Variants in PCLO observed in about 807,000 individuals in gnomAD.
The protein encoded by PCLO is protein piccolo.
Under a neutral mutation model 427.5 loss-of-function variants are expected in PCLO, and 82 were observed. That is an observed-to-expected ratio of 0.19 (90% CI 0.16 to 0.23). The LOEUF is 0.23. Among genes scored for constraint, PCLO ranks in the 10% least tolerant of loss-of-function variants. PCLO has a pLI of 1.00. For missense variants in PCLO, 6,239 were observed against 6,115.9 expected, an observed-to-expected ratio of 1.02 and a Z score of -0.67; for synonymous variants, 2,357 against 2,155.4, an observed-to-expected ratio of 1.09 and a Z score of -2.59.
At chr7:83,123,288 G>A (rs926359736) in intron 3 of PCLO, among the ~76,000 whole-genome samples, 6 of 152,182 alleles carry the variant, frequency 3.9e-5, no homozygotes, top group Non-Finnish European at 8.8e-5. Flanking sequence ...GTGGACCAAT[G>A]GAACAGAATA....
At chr7:82,781,618 T>C (rs1301321380) in intron 22 of PCLO, among the ~76,000 whole-genome samples, 1 of 152,166 alleles carries the variant, frequency 6.6e-6, no homozygotes, top group Non-Finnish European at 1.5e-5. Context: ...CAGCCCTTAT[T>C]ACAGTCTTTT....
chr7:82,799,274 T>G (rs556022733), intron 22 of PCLO, among the ~76,000 whole-genome samples: 2 of 152,296 alleles, frequency 1.3e-5, no homozygotes, highest in Admixed American at 1.3e-4. Flanking sequence ...CAACAAACAT[T>G]CTCTAAGCAA....
intron 3 of PCLO, among the ~76,000 whole-genome samples, chr7:83,114,112 C>T (rs563194895): frequency 6.6e-6 from 1 of 152,204 alleles, no homozygotes; most frequent in African/African-American, 2.4e-5. Flanking sequence ...AAGAGAAAGC[C>T]TGCATTTCAC....
chr7:82,792,246 T>C (rs891905891), intron 22 of PCLO, among the ~76,000 whole-genome samples: 1 of 152,088 alleles, frequency 6.6e-6, no homozygotes, highest in African/African-American at 2.4e-5. Context: ...AATAATACCA[T>C]TTTTTTCTTC....
intron 19 of PCLO, among the ~76,000 whole-genome samples, chr7:82,823,285 A>G (rs536132375): frequency 4.6e-5 from 7 of 152,266 alleles, no homozygotes; most frequent in African/African-American, 1.7e-4. Context: ...GCAGTTTATG[A>G]TATCAACTCA....
intron 22 of PCLO, among the ~76,000 whole-genome samples, chr7:82,798,396 G>A (rs999066940): frequency 1.3e-5 from 2 of 151,938 alleles, no homozygotes; most frequent in Non-Finnish European, 2.9e-5. Flanking sequence ...TTGTTCCCCC[G>A]CTAAATTGGC....
chr7:83,145,518 G>A (rs2116651683), intron 2 of PCLO, among the ~76,000 whole-genome samples: 1 of 152,124 alleles, frequency 6.6e-6, no homozygotes, highest in South Asian at 2.1e-4. Flanking sequence ...CTAAATTTTG[G>A]GTCAGCGAAT....
intron 10 of PCLO, among the ~76,000 whole-genome samples, chr7:82,861,274 C>T: frequency 6.6e-6 from 1 of 151,788 alleles, no homozygotes; most frequent in East Asian, 1.9e-4. Flanking sequence ...ATATTTCATG[C>T]CAATGTAAAC....
At chr7:83,160,813 C>T (rs1283153332) in intron 1 of PCLO, among the ~76,000 whole-genome samples, 10 of 152,096 alleles carry the variant, frequency 6.6e-5, no homozygotes, top group African/African-American at 1.9e-4. Flanking sequence ...AGACCTGTTG[C>T]TTGTGCCTCT....
chr7:83,072,497 T>C (rs1461430548), intron 3 of PCLO, among the ~76,000 whole-genome samples: 1 of 152,060 alleles, frequency 6.6e-6, no homozygotes, highest in Non-Finnish European at 1.5e-5. Flanking sequence ...TGTATTTACA[T>C]TCCTATGTCT....
intron 3 of PCLO, among the ~76,000 whole-genome samples, chr7:83,067,273 T>G (rs1789692237): frequency 6.6e-6 from 1 of 152,156 alleles, no homozygotes; most frequent in South Asian, 2.1e-4. Flanking sequence ...TTAATGAGAT[T>G]ACACATGAAA....
intron 22 of PCLO, among the ~76,000 whole-genome samples, chr7:82,795,862 C>A (rs1791212636): frequency 6.6e-6 from 1 of 152,090 alleles, no homozygotes; most frequent in Non-Finnish European, 1.5e-5. Flanking sequence ...GGCTTATATT[C>A]GTTGTGTTAT....
intron 3 of PCLO, among the ~76,000 whole-genome samples, chr7:82,990,278 C>T (rs532056532): frequency 6.6e-6 from 1 of 152,168 alleles, no homozygotes; most frequent in Non-Finnish European, 1.5e-5. Context: ...CCTTTATGGC[C>T]TCCTAAACTA....
rs1221905586 is a variant in PCLO at position 83,135,222 on chromosome 7, A to G, written c.2328T>C (p.Pro776=). 1 of 1,613,688 alleles carries G rather than the reference A, an allele frequency of 6.2e-7. No individual in the cohort carries two copies. Among genetic ancestry groups the G allele is most frequent in the South Asian group, 1.1e-5 (1 of 91,062 alleles). Residue 776 remains proline, a synonymous_variant, in exon 3 of 25, where the codon CCT becomes CCC. Transcript: ENST00000333891. ...LVSSSSATTK[P]DIPSSKVQSQ... ...ACTGTACTTTGGAGCTTGGAATATC[A>G]GGTTTTGTTGTTGCTGATGATGAAG...
At chr7:82,932,431 G>A (rs539298948) in intron 6 of PCLO, among the ~76,000 whole-genome samples, 6 of 152,110 alleles carry the variant, frequency 3.9e-5, no homozygotes, top group African/African-American at 9.7e-5. Context: ...CAATGGAATC[G>A]AATTAGGATG....
chr7:82,893,469 T>C (rs1020382594), intron 9 of PCLO, among the ~76,000 whole-genome samples: 2 of 152,028 alleles, frequency 1.3e-5, no homozygotes, highest in Admixed American at 6.6e-5. Flanking sequence ...ATACACCTAA[T>C]GTTAATGACG....
chr7:82,835,653 A>T lies in PCLO; in HGVS notation c.14249+14T>A. On this transcript the variant is annotated intron_variant, in intron 16 of 24. Transcript: ENST00000333891. ...TAGCAGCAGAGCTTGACACTGAAAG[A>T]GAAACAACTCTACCTTGCATTCTGG... The T allele has an allele frequency of 6.2e-7, 1 of 1,606,006 alleles. No individual in the cohort carries two copies. The highest frequency in any genetic ancestry group is 8.5e-7 in the Non-Finnish European group (1 of 1,175,198).
intron 13 of PCLO, among the ~76,000 whole-genome samples, chr7:82,843,461 AG>A (rs375328539): frequency 3.9e-4 from 60 of 152,126 alleles, no homozygotes; most frequent in African/African-American, 1.4e-3. Flanking sequence ...GGAAGTCAAA[AG>A]CTCTGTTATA....
intron 10 of PCLO, among the ~76,000 whole-genome samples, chr7:82,855,993 A>G (rs559179665): frequency 6.6e-6 from 1 of 152,222 alleles, no homozygotes; most frequent in East Asian, 1.9e-4. Flanking sequence ...CTCTCAATGT[A>G]GGCAAAACTA....
Sources: gnomAD v4.1 joint callset for allele counts (sites outside exome capture counted in the v4.1 genomes callset) on GRCh38, gnomAD v4.1.1 for gene constraint, MANE v1.5 for transcripts, NCBI Gene and HGNC (gene_info 2026-07-23, HGNC 2026-07-21) for gene names.